The following SPACA6 variants were observed in gnomAD, a reference collection of about 807,000 sequenced individuals.
SPACA6 encodes sperm acrosome associated 6.
For missense variants in SPACA6, 8 were observed against 2.8 expected (o/e 2.88, Z -1.34); for synonymous variants, 6 against 1.5 (o/e 4.05, Z -2.21).
At chr19:51,702,760 A>G (rs1047451592) in intron 4 of SPACA6, 108 bp downstream of exon 4, 3 of 398,968 alleles carry the variant, frequency 7.5e-6, no homozygotes, top group East Asian at 7.1e-5. Context: ...ATCCTTAGGA[A>G]GCCAATAAGA....
chr19:51,702,453 T>C (rs900725728), intron 3 of SPACA6, 176 bp from the exon 4 acceptor site: 2 of 392,972 alleles, frequency 5.1e-6, no homozygotes, highest in South Asian at 2.9e-4. Flanking sequence ...ATGCTCAGGC[T>C]TGGCCCCGGC....
chr19:51,709,504 C>T (rs1172358070), downstream of SPACA6, among the ~76,000 whole-genome samples: 7 of 108,002 alleles, frequency 6.5e-5, no homozygotes, highest in Admixed American at 1.3e-4. Flanking sequence ...GCAAAAAGAG[C>T]GAAACTGCAT....
upstream of SPACA6, chr19:51,686,943 G>A (rs888319429): frequency 4.6e-5 from 7 of 152,078 alleles, no homozygotes; most frequent in African/African-American, 1.4e-4. Flanking sequence ...AGCATTTATC[G>A]AATATCTGGG....
chr19:51,705,199 C>T, downstream of SPACA6: 1 of 400,880 alleles, frequency 2.5e-6, no homozygotes, highest in Non-Finnish European at 4.4e-6. Context: ...TAGATTGTTT[C>T]ATCTCCGAAG....
At chr19:51,689,098 G>C (rs574448925), upstream of SPACA6, 1 of 218 alleles carries the variant, frequency 4.6e-3, no homozygotes, top group Non-Finnish European at 7.1e-3. Flanking sequence ...GGAGGAGGGC[G>C]GGCGAGCGGG....
At chr19:51,697,729 T>C (rs1486498832) in intron 2 of SPACA6, among the ~76,000 whole-genome samples, 3 of 152,178 alleles carry the variant, frequency 2.0e-5, no homozygotes, top group Non-Finnish European at 4.4e-5. Flanking sequence ...GTGATCTTAT[T>C]TGTATATATG....
At chr19:51,685,061 G>C (rs914392477), upstream of SPACA6, among the ~76,000 whole-genome samples, 3 of 152,330 alleles carry the variant, frequency 2.0e-5, no homozygotes, top group African/African-American at 7.2e-5. Flanking sequence ...CTGTTCTATA[G>C]TATCAACGTG....
At chr19:51,693,149 TTC>T (rs1260998741), upstream of SPACA6, 2 of 437,508 alleles carry the variant, frequency 4.6e-6, no homozygotes, top group Non-Finnish European at 9.2e-6. Context: ...GTGTCTCTAT[TTC>T]TGTCGTTTTT....
At chr19:51,708,983 T>A (rs140641478), downstream of SPACA6, among the ~76,000 whole-genome samples, 490 of 152,102 alleles carry the variant, frequency 3.2e-3, no homozygotes, top group Non-Finnish European at 5.0e-3. Flanking sequence ...GAACAGGGCC[T>A]TAGGAAGTGG....
rs79316625 is a variant in SPACA6, at chr19:51,695,426, G to A, written c.292+871G>A. On this transcript the variant is annotated intron_variant, in intron 2 of 8. Transcript: ENST00000637797. ...ATAGAATAAACTGGCTTCCTCTTAG[G>A]TCCAGGAGCTCAGGGCTTATTCCCA... Among the ~76,000 whole-genome samples the A allele has an allele frequency of 9.1e-3, 1,386 of 152,294 alleles. 15 individuals carry two copies. The highest frequency in any genetic ancestry group is 0.031 in the African/African-American group (1,294 of 41,544).
At chr19:51,697,491 C>G (rs565172988) in intron 2 of SPACA6, among the ~76,000 whole-genome samples, 1 of 152,204 alleles carries the variant, frequency 6.6e-6, no homozygotes, top group Non-Finnish European at 1.5e-5. Flanking sequence ...AGGATATCCT[C>G]TACCGGCCCT....
At chr19:51,682,711 C>T in the SPACA6 span, among the ~76,000 whole-genome samples, 1 of 152,146 alleles carries the variant, frequency 6.6e-6, no homozygotes, top group Non-Finnish European at 1.5e-5. Context: ...TTTTCTAGGG[C>T]TGTTGTAATA....
At chr19:51,698,945 C>T (rs1005678626) in intron 2 of SPACA6, among the ~76,000 whole-genome samples, 2 of 152,138 alleles carry the variant, frequency 1.3e-5, no homozygotes, top group Admixed American at 6.5e-5. Context: ...AGAGCTCCAA[C>T]CATCAAAACA....
downstream of SPACA6, among the ~76,000 whole-genome samples, chr19:51,712,602 T>G (rs1368533809): frequency 2.0e-5 from 3 of 152,150 alleles, no homozygotes; most frequent in Admixed American, 6.5e-5. Flanking sequence ...GGTGCCCTGA[T>G]GGAAGAGGTT....
chr19:51,688,141 G>C (rs1014461335), upstream of SPACA6: 1 of 152,646 alleles, frequency 6.6e-6, no homozygotes, highest in Admixed American at 6.5e-5. Context: ...AGCCTGGCCT[G>C]AAACTCCCTA....
chr19:51,701,467 GA>G (rs1455436203), intron 2 of SPACA6, among the ~76,000 whole-genome samples, 190 bp from the exon 3 acceptor site: 1 of 152,142 alleles, frequency 6.6e-6, no homozygotes, highest in Non-Finnish European at 1.5e-5. Context: ...GGCGGGTGAT[GA>G]GAAGAGGAGC....
chr19:51,699,456 AG>A (rs2083453329), intron 2 of SPACA6, among the ~76,000 whole-genome samples: 1 of 152,160 alleles, frequency 6.6e-6, no homozygotes, highest in Non-Finnish European at 1.5e-5. Flanking sequence ...AGGTATTTGG[AG>A]GCAGTGAACA....
At chr19:51,694,429 G>A in intron 1 of SPACA6, 49 bp from the exon 2 acceptor site, 1 of 399,470 alleles carries the variant, frequency 2.5e-6, no homozygotes, top group African/African-American at 2.1e-5. Context: ...GGGACATGGT[G>A]TTGCGGGGAG....
chr19:51,692,285 TCCC>T (rs1403608633), upstream of SPACA6, among the ~76,000 whole-genome samples: 1 of 151,690 alleles, frequency 6.6e-6, no homozygotes, highest in African/African-American at 2.4e-5. This position sits in a 1 kb window ranked among gnomAD's most constrained non-coding sequence, Gnocchi z 5.6. Flanking sequence ...GGCCATGCCT[TCCC>T]CAGGAGGCCT....
Sources: gnomAD v4.1 joint callset for allele counts (sites outside exome capture counted in the v4.1 genomes callset) on GRCh38, gnomAD v4.1.1 for gene constraint, Gnocchi (gnomAD v3.1) non-coding constraint, MANE v1.5 for transcripts, NCBI Gene and HGNC (gene_info 2026-07-23, HGNC 2026-07-21) for gene names.